The following WDHD1 variants were observed in gnomAD, a reference collection of about 807,000 sequenced individuals.
WDHD1 encodes the protein WD repeat and HMG-box DNA-binding protein 1.
In WDHD1, 111 loss-of-function variants were observed where a neutral mutation model predicts 135.4. The ratio of observed to expected loss-of-function variants is 0.82; its 90% confidence interval spans 0.70 to 0.96. WDHD1 has a LOEUF of 0.96. WDHD1 is among the 40% of genes least tolerant of loss of function. The pLI, the probability that WDHD1 is intolerant of heterozygous loss-of-function variation, is 0.00. For missense variants in WDHD1, 1,351 were observed against 1,336.3 expected (o/e 1.01, Z -0.17); for synonymous variants, 434 against 439.0 (o/e 0.99, Z 0.14).
At chr14:55,016,472 G>A (rs1247331294) in intron 2 of WDHD1, among the ~76,000 whole-genome samples, 2 of 152,188 alleles carry the variant, frequency 1.3e-5, no homozygotes, top group Non-Finnish European at 2.9e-5. Context: ...AGAAGAGAAA[G>A]AAGTCCCGAA....
intron 12 of WDHD1, among the ~76,000 whole-genome samples, chr14:54,989,513 C>T (rs973751560): frequency 6.6e-6 from 1 of 152,056 alleles, no homozygotes; most frequent in African/African-American, 2.4e-5. Context: ...AAGCACATTA[C>T]AGTTGTCCTT....
intron 6 of WDHD1, among the ~76,000 whole-genome samples, 172 bp from the exon 7 acceptor site, chr14:55,007,547 C>T (rs912633497): frequency 6.6e-6 from 1 of 152,104 alleles, no homozygotes; most frequent in African/African-American, 2.4e-5. Flanking sequence ...TTAAGTCCTT[C>T]AAAGGTATGA....
Position 54,962,564 on chromosome 14 carries a change from A to T in WDHD1, c.2648-13T>A. 1 of 1,597,372 alleles carries T rather than the reference A, an allele frequency of 6.3e-7. No individual in the cohort carries two copies. Among genetic ancestry groups the T allele is most frequent in the Non-Finnish European group, 8.6e-7 (1 of 1,168,380 alleles). On this transcript the variant is annotated splice_polypyrimidine_tract_variant and intron_variant, in intron 20 of 25. Coordinates refer to ENST00000360586, the MANE Select transcript of WDHD1 (RefSeq NM_007086.4). ...AACGAGTTCTGTCCTACAGATTAAA[A>T]TAAAGCAATATAATGTAAATGGGGA...
At chr14:54,957,257 C>T in intron 22 of WDHD1, 53 bp from the exon 23 acceptor site, 2 of 1,527,024 alleles carry the variant, frequency 1.3e-6, no homozygotes, top group Non-Finnish European at 8.8e-7. Flanking sequence ...AAAATAAAAT[C>T]CCAAGAGACT....
intron 11 of WDHD1, among the ~76,000 whole-genome samples, chr14:54,992,282 G>C (rs2041805769): frequency 6.6e-6 from 1 of 151,918 alleles, no homozygotes; most frequent in African/African-American, 2.4e-5. Flanking sequence ...TTTGAGGTCA[G>C]GAGTCCGAGA....
chr14:54,949,211 A>T (rs571574735), intron 24 of WDHD1, among the ~76,000 whole-genome samples: 1 of 152,356 alleles, frequency 6.6e-6, no homozygotes, highest in South Asian at 2.1e-4. Context: ...TCCGAGCTAA[A>T]GGAGGAAGTT....
chr14:55,021,896 T>A (rs2042354816), intron 2 of WDHD1, among the ~76,000 whole-genome samples: 1 of 152,222 alleles, frequency 6.6e-6, no homozygotes. Context: ...ATAACAATGA[T>A]GGCATCTTCA....
intron 11 of WDHD1, among the ~76,000 whole-genome samples, chr14:54,992,541 A>G (rs2041809398): frequency 6.6e-6 from 1 of 152,184 alleles, no homozygotes; most frequent in South Asian, 2.1e-4. Flanking sequence ...AAGATATTGG[A>G]AAGCTTCTAT....
chr14:55,001,990 G>A, intron 8 of WDHD1, 103 bp downstream of exon 8: 1 of 797,576 alleles, frequency 1.3e-6, no homozygotes, highest in Non-Finnish European at 2.1e-6. Flanking sequence ...ACAGCCAGGA[G>A]TTGTTTTCCA....
intron 16 of WDHD1, among the ~76,000 whole-genome samples, chr14:54,968,460 C>T (rs2041379965): frequency 6.6e-6 from 1 of 151,780 alleles, no homozygotes. Context: ...ACTAGATAAA[C>T]GAGAACACAC....
At chr14:54,971,524 A>T (rs763102946) in intron 16 of WDHD1, among the ~76,000 whole-genome samples, 2 of 152,116 alleles carry the variant, frequency 1.3e-5, no homozygotes. Context: ...TATCTAACCA[A>T]GGAGGTGAAA....
At chr14:54,988,207 A>G (rs890872760) in intron 13 of WDHD1, among the ~76,000 whole-genome samples, 1 of 149,286 alleles carries the variant, frequency 6.7e-6, no homozygotes, top group African/African-American at 2.5e-5. Context: ...ACGGGTGACT[A>G]GTACATTTTT....
intron 16 of WDHD1, among the ~76,000 whole-genome samples, chr14:54,970,400 C>T (rs2041411974): frequency 2.0e-5 from 3 of 151,952 alleles, no homozygotes; most frequent in African/African-American, 7.3e-5. Context: ...AGTATGCAAT[C>T]CCATTTACAA....
intron 10 of WDHD1, among the ~76,000 whole-genome samples, chr14:54,997,721 G>A (rs1334729774): frequency 6.6e-6 from 1 of 151,634 alleles, no homozygotes; most frequent in Non-Finnish European, 1.5e-5. Flanking sequence ...GACCATCCTG[G>A]CTAACACAGT....
chr14:54,985,026 CAGTA>C (rs1291177339), intron 14 of WDHD1, among the ~76,000 whole-genome samples, 166 bp from the exon 15 acceptor site: 1 of 152,138 alleles, frequency 6.6e-6, no homozygotes, highest in Non-Finnish European at 1.5e-5. Flanking sequence ...ATTAGAAACA[CAGTA>C]AGATGTTACA....
At chr14:54,954,110 AT>A (rs1330670224) in intron 24 of WDHD1, among the ~76,000 whole-genome samples, 9 of 146,762 alleles carry the variant, frequency 6.1e-5, no homozygotes, top group Non-Finnish European at 3.0e-5. Flanking sequence ...GCTTAAAAGT[AT>A]TTAAAAAAAA....
At chr14:55,007,700 A>C (rs2042095932) in intron 6 of WDHD1, among the ~76,000 whole-genome samples, 1 of 152,254 alleles carries the variant, frequency 6.6e-6, no homozygotes, top group African/African-American at 2.4e-5. Context: ...TCAATGGTCT[A>C]CTATAAAATG....
chr14:54,994,546 T>C (rs1324561200), intron 11 of WDHD1, among the ~76,000 whole-genome samples: 1 of 152,170 alleles, frequency 6.6e-6, no homozygotes, highest in Non-Finnish European at 1.5e-5. Context: ...ATTCTTTTTT[T>C]CATATTGTCT....
rs147208092 is a variant in WDHD1 at position 54,945,645 on chromosome 14, A to G, written c.3051-1175T>C. Among the ~76,000 whole-genome samples the G allele has an allele frequency of 9.5e-4, 145 of 152,186 alleles. 1 individual carries two copies. In the East Asian group the frequency reaches 0.026, roughly 27 times the overall value. Reference sequence around the variant, plus strand: ...AACCTCCACCTTCCAGGTTCAAGTGATTCTCCTGCCTCAGCCTCCCAAACA... The same window carrying G: ...AACCTCCACCTTCCAGGTTCAAGTGGTTCTCCTGCCTCAGCCTCCCAAACA... On this transcript the variant is annotated intron_variant, in intron 24 of 25. Coordinates refer to ENST00000360586, the MANE Select transcript of WDHD1 (RefSeq NM_007086.4).
Sources: gnomAD v4.1 joint callset for allele counts (sites outside exome capture counted in the v4.1 genomes callset) on GRCh38, gnomAD v4.1.1 for gene constraint, MANE v1.5 for transcripts, NCBI Gene and HGNC (gene_info 2026-07-23, HGNC 2026-07-21) for gene names.